Variants in TRPM3 observed in about 807,000 individuals in gnomAD.
The protein encoded by TRPM3 is transient receptor potential cation channel subfamily M member 3.
Under a neutral mutation model 181.2 loss-of-function variants are expected in TRPM3, and 77 were observed. The observed-to-expected ratio is 0.42, with a 90% CI of 0.35 to 0.51. TRPM3 has a LOEUF of 0.51. Among genes scored for constraint, TRPM3 ranks in the 20% least tolerant of loss-of-function variants. TRPM3 has a pLI of 0.01. For synonymous variants in TRPM3, 745 were observed against 796.4 expected (o/e 0.94, Z 1.09); for missense variants, 1,759 against 2,196.7 (o/e 0.80, Z 3.98).
chr9:70,914,709 T>A (rs929456350), intron 1 of TRPM3, among the ~76,000 whole-genome samples: 1 of 151,876 alleles, frequency 6.6e-6, no homozygotes, highest in African/African-American at 2.4e-5. Context: ...GTCACAGGAG[T>A]GCTTGTGTCA....
intron 1 of TRPM3, among the ~76,000 whole-genome samples, chr9:71,305,254 G>A (rs766424825): frequency 6.6e-6 from 1 of 152,240 alleles, no homozygotes; most frequent in African/African-American, 2.4e-5. Flanking sequence ...TTGGAATGCT[G>A]TAAAAGCAGA....
In TRPM3 at chr9:70,536,237, G is replaced by C. The variant is rs1176836193; in HGVS notation, c.4876C>G (p.Gln1626Glu). 6.2e-7 allele frequency: 1 copy of C among 1,614,220 alleles called. No individual in the cohort carries two copies. Among genetic ancestry groups the C allele is most frequent in the African/African-American group, 1.3e-5 (1 of 75,070 alleles). Residue 1626 changes from glutamine to glutamate, a missense_variant, in exon 26 of 26, where the codon CAG becomes GAG. Physicochemically the swap from Gln to Glu is conservative, Grantham distance 29. Coordinates refer to ENST00000677713, the MANE Select transcript of TRPM3 (RefSeq NM_001366145.2). The part of the protein sequence containing the change: ...GRRATIAISS[Q>E]EGDNSERTLS... ...GTTCTCTCTGAGTTATCACCCTCCT[G>C]GGAGGATATTGCAATGGTGGCTCTG...
intron 1 of TRPM3, among the ~76,000 whole-genome samples, chr9:71,405,337 A>T (rs1399674332): frequency 6.6e-6 from 1 of 152,336 alleles, no homozygotes; most frequent in East Asian, 1.9e-4. Flanking sequence ...TAGGAATTTA[A>T]AAAATGGTAC....
chr9:71,364,229 C>T (rs1439469176), intron 1 of TRPM3, among the ~76,000 whole-genome samples: 1 of 151,630 alleles, frequency 6.6e-6, no homozygotes, highest in Non-Finnish European at 1.5e-5. Flanking sequence ...CTGTTATTCT[C>T]GGGGAAGCCT....
In TRPM3 at chr9:70,532,090, T is replaced by A. The variant is rs764077255; in HGVS notation, c.*3863A>T. 2.6e-5 allele frequency: 4 copies of A among 152,206 alleles called. No individual in the cohort carries two copies. The highest frequency in any genetic ancestry group is 4.4e-5 in the Non-Finnish European group (3 of 68,034). The allele number at this position is 152,206 out of a possible 1,614,324, so 9.4% of individuals were successfully genotyped here. A position where few individuals can be genotyped will look rare whatever the true frequency, so the allele number is the denominator to read the frequency against. Reference sequence around the variant, plus strand: ...AACATGGGTTACATACATGTTTACATGTGTTTTATAATACAGCATTGCCCA... The same window carrying A: ...AACATGGGTTACATACATGTTTACAAGTGTTTTATAATACAGCATTGCCCA... On this transcript the variant is annotated 3_prime_UTR_variant, in exon 26 of 26. Transcript: ENST00000677713.
At chr9:70,676,720 A>G (rs995653440) in intron 9 of TRPM3, among the ~76,000 whole-genome samples, 9 of 152,118 alleles carry the variant, frequency 5.9e-5, no homozygotes, top group African/African-American at 1.9e-4. Flanking sequence ...GCTCAGAAAA[A>G]TGATTGATAG....
intron 12 of TRPM3, among the ~76,000 whole-genome samples, chr9:70,631,986 C>T (rs1317813660): frequency 6.6e-6 from 1 of 152,174 alleles, no homozygotes; most frequent in East Asian, 1.9e-4. Flanking sequence ...AGGTCTAGGA[C>T]TGTGTTCCTA....
chr9:71,177,947 A>AAGCTTCT (rs1565308342), intron 1 of TRPM3, among the ~76,000 whole-genome samples: 1 of 151,722 alleles, frequency 6.6e-6, no homozygotes, highest in Non-Finnish European at 1.5e-5. Flanking sequence ...AAAAAAAAAA[A>AAGCTTCT]AGCTTCTAAC....
chr9:70,831,038 G>T (rs189393654), intron 5 of TRPM3, among the ~76,000 whole-genome samples: 1 of 152,308 alleles, frequency 6.6e-6, no homozygotes, highest in East Asian at 1.9e-4. Context: ...AATATGCAAA[G>T]TGCTTTTTCT....
chr9:71,175,691 G>A (rs1280883346), intron 1 of TRPM3, among the ~76,000 whole-genome samples: 1 of 152,264 alleles, frequency 6.6e-6, no homozygotes, highest in South Asian at 2.1e-4. Flanking sequence ...CAGACGGGTC[G>A]CATAGGTTTT....
At chr9:70,641,540 T>G (rs1297483891) in intron 9 of TRPM3, among the ~76,000 whole-genome samples, 1 of 152,236 alleles carries the variant, frequency 6.6e-6, no homozygotes, top group Non-Finnish European at 1.5e-5. Context: ...TCCCAGGTTC[T>G]TATTTTTCTC....
chr9:70,887,069 A>G (rs1302272886), intron 1 of TRPM3, among the ~76,000 whole-genome samples: 2 of 152,176 alleles, frequency 1.3e-5, no homozygotes, highest in Non-Finnish European at 2.9e-5. Context: ...AAAATCTGTA[A>G]TAGCATCTGC....
At chr9:71,194,160 C>T (rs763930621) in intron 1 of TRPM3, among the ~76,000 whole-genome samples, 13 of 151,808 alleles carry the variant, frequency 8.6e-5, no homozygotes, top group Non-Finnish European at 1.8e-4. Context: ...TTAGGAAATC[C>T]AACTTACAAT....
At chr9:71,379,949 C>A (rs934884498) in intron 1 of TRPM3, among the ~76,000 whole-genome samples, 34 of 151,974 alleles carry the variant, frequency 2.2e-4, no homozygotes, top group African/African-American at 8.0e-4. Context: ...TTGTTCTTAA[C>A]CACTATGCAT....
intron 1 of TRPM3, among the ~76,000 whole-genome samples, chr9:71,229,312 C>A (rs2080894938): frequency 6.6e-6 from 1 of 152,048 alleles, no homozygotes; most frequent in African/African-American, 2.4e-5. Context: ...ATACAAAAAT[C>A]AAATTCAAAT....
intron 1 of TRPM3, among the ~76,000 whole-genome samples, chr9:71,099,044 T>C (rs1272390145): frequency 6.6e-6 from 1 of 152,156 alleles, no homozygotes; most frequent in Non-Finnish European, 1.5e-5. Flanking sequence ...AAAGCAATAT[T>C]AGCTGATGTC....
At chr9:71,144,709 T>G (rs2075311779) in intron 1 of TRPM3, among the ~76,000 whole-genome samples, 1 of 152,200 alleles carries the variant, frequency 6.6e-6, no homozygotes, top group African/African-American at 2.4e-5. Flanking sequence ...CAAGCCAGAT[T>G]GCTGATCAGT....
chr9:70,640,839 C>T (rs78658400), intron 9 of TRPM3, among the ~76,000 whole-genome samples, 179 bp from the exon 10 acceptor site: 2,704 of 152,248 alleles, frequency 0.018, 85 homozygotes, highest in African/African-American at 0.061. Flanking sequence ...CTCTTTGTCA[C>T]AGGGCTCTCC....
At chr9:71,326,379 C>G (rs1351135052) in intron 1 of TRPM3, among the ~76,000 whole-genome samples, 1 of 152,160 alleles carries the variant, frequency 6.6e-6, no homozygotes. Flanking sequence ...TTATCAGGTG[C>G]TCTTTGTATC....
Sources: allele counts gnomAD v4.1 joint callset (sites outside exome capture counted in the v4.1 genomes callset), GRCh38; gene constraint gnomAD v4.1.1; transcripts MANE v1.5; gene names NCBI Gene and HGNC (gene_info 2026-07-23, HGNC 2026-07-21).